RNGTT: variants seen among roughly 807,000 people sequenced by gnomAD.
RNGTT encodes RNA guanylyltransferase and 5'-phosphatase, also known as mRNA-capping enzyme.
A neutral mutation model predicts 79.3 loss-of-function variants in RNGTT; 33 were observed. That is an observed-to-expected ratio of 0.42 (90% confidence interval 0.32 to 0.56). The LOEUF (loss-of-function observed/expected upper bound fraction) is 0.56, where lower values mean the gene tolerates loss of function less well. Among genes scored for constraint, RNGTT ranks in the 20% least tolerant of loss-of-function variants. The probability of loss-of-function intolerance (pLI) is 0.17; values close to 1 mark genes in which losing one functional copy is unlikely to be tolerated. For synonymous variants in RNGTT, 222 were observed against 235.9 expected (o/e 0.94, Z 0.54); for missense variants, 497 against 739.1 (o/e 0.67, Z 3.80).
intron 14 of RNGTT, among the ~76,000 whole-genome samples, chr6:88,656,569 C>A (rs551134860): frequency 6.6e-6 from 1 of 151,996 alleles, no homozygotes. Flanking sequence ...TCCTTGAATG[C>A]ACTCCAGTGG....
intron 13 of RNGTT, among the ~76,000 whole-genome samples, chr6:88,747,885 C>T (rs969822096): frequency 1.1e-4 from 16 of 152,154 alleles, no homozygotes; most frequent in African/African-American, 3.6e-4. Context: ...AATGTAATGA[C>T]TGCTGTTTTA....
intron 4 of RNGTT, among the ~76,000 whole-genome samples, chr6:88,907,946 G>A (rs1482512071): frequency 1.3e-5 from 2 of 151,846 alleles, no homozygotes; most frequent in East Asian, 1.9e-4. Context: ...TGTTGCTCAG[G>A]CTGGTCTCAA....
intron 14 of RNGTT, among the ~76,000 whole-genome samples, chr6:88,616,718 T>C (rs1423844021): frequency 6.6e-6 from 1 of 152,146 alleles, no homozygotes; most frequent in African/African-American, 2.4e-5. Flanking sequence ...ACAAGAAACT[T>C]TGTCAATTTT....
chr6:88,665,514 C>T (rs951370853), intron 14 of RNGTT, among the ~76,000 whole-genome samples: 1 of 152,236 alleles, frequency 6.6e-6, no homozygotes, highest in Non-Finnish European at 1.5e-5. Flanking sequence ...GACTTTCCAT[C>T]CAACAGTACC....
rs1368959959 is a variant in RNGTT, at chr6:88,696,611, C to A, written c.1440-18192G>T. 2.0e-5 allele frequency among the ~76,000 whole-genome samples: 3 copies of A among 151,880 alleles called. No individual in the cohort carries two copies. The East Asian group carries it at 5.8e-4, about 29-fold the overall frequency. On this transcript the variant is annotated intron_variant, in intron 13 of 15. Coordinates refer to ENST00000369485, the MANE Select transcript of RNGTT (RefSeq NM_003800.5). ...ACAGAAATCCTGAAGTACACACACACACACACACACACACACACACACAAA... is the reference window on the plus strand; with the variant it reads ...ACAGAAATCCTGAAGTACACACACAAACACACACACACACACACACACAAA...
chr6:88,638,554 TTG>T (rs1252929609), intron 14 of RNGTT, among the ~76,000 whole-genome samples: 1 of 152,168 alleles, frequency 6.6e-6, no homozygotes, highest in Non-Finnish European at 1.5e-5. Context: ...TTCTACCTAA[TTG>T]TAAAGAAAAT....
chr6:88,869,301 A>T (rs751671908), intron 8 of RNGTT, among the ~76,000 whole-genome samples: 1 of 152,200 alleles, frequency 6.6e-6, no homozygotes, highest in Non-Finnish European at 1.5e-5. Flanking sequence ...ACTTCAAGTC[A>T]TAAGAAGCTT....
intron 13 of RNGTT, among the ~76,000 whole-genome samples, chr6:88,731,731 A>G (rs1291134721): frequency 2.0e-5 from 3 of 152,200 alleles, no homozygotes; most frequent in African/African-American, 7.2e-5. Context: ...CATCAAGAAT[A>G]CAGCTGACCT....
chr6:88,826,711 A>G (rs1780665162), intron 11 of RNGTT, among the ~76,000 whole-genome samples: 1 of 150,882 alleles, frequency 6.6e-6, no homozygotes, highest in Non-Finnish European at 1.5e-5. Flanking sequence ...TGAACCTGGG[A>G]GGCAGAGGTT....
At chr6:88,729,956 C>G (rs1164767273) in intron 13 of RNGTT, among the ~76,000 whole-genome samples, 3 of 152,108 alleles carry the variant, frequency 2.0e-5, no homozygotes, top group Non-Finnish European at 2.9e-5. Flanking sequence ...TTATTCTTGT[C>G]AGGTGCTGTG....
chr6:88,755,435 G>A (rs947523506), intron 13 of RNGTT, among the ~76,000 whole-genome samples: 4 of 152,086 alleles, frequency 2.6e-5, no homozygotes, highest in Admixed American at 2.6e-4. Context: ...ATTCATGTCT[G>A]TAAGAGAAAT....
At chr6:88,830,427 G>C (rs1780819517) in intron 11 of RNGTT, among the ~76,000 whole-genome samples, 1 of 152,200 alleles carries the variant, frequency 6.6e-6, no homozygotes, top group Non-Finnish European at 1.5e-5. Flanking sequence ...AGCTACAGCA[G>C]TGTTTAGAGG....
chr6:88,694,966 T>C lies in RNGTT; in HGVS notation c.1440-16547A>G, dbSNP rs190949546. Among the ~76,000 whole-genome samples the C allele has an allele frequency of 1.9e-3, 296 of 152,260 alleles. 4 individuals carry two copies. The highest frequency in any genetic ancestry group is 7.0e-3 in the African/African-American group (290 of 41,560). On this transcript the variant is annotated intron_variant, in intron 13 of 15. Transcript: ENST00000369485. ...CCTCTGGAACTCTGAGAAATACATT[T>C]GTGTTCATTATAAATTGCCCAGTCT...
At chr6:88,726,697 T>C (rs1006591752) in intron 13 of RNGTT, among the ~76,000 whole-genome samples, 9 of 152,162 alleles carry the variant, frequency 5.9e-5, no homozygotes, top group Admixed American at 3.3e-4. Flanking sequence ...TGCCTAATAA[T>C]TAGTCTGCTC....
chr6:88,818,213 A>G (rs1780386342), intron 11 of RNGTT, among the ~76,000 whole-genome samples: 1 of 152,172 alleles, frequency 6.6e-6, no homozygotes, highest in South Asian at 2.1e-4. Context: ...ATACAGCCAA[A>G]TATACTATCA....
chr6:88,799,340 T>C (rs1582474088), intron 12 of RNGTT, among the ~76,000 whole-genome samples: 1 of 152,276 alleles, frequency 6.6e-6, no homozygotes, highest in East Asian at 1.9e-4. Flanking sequence ...ATATTTAAGG[T>C]AATGCTGGCG....
At chr6:88,725,271 C>T (rs948265583) in intron 13 of RNGTT, among the ~76,000 whole-genome samples, 2 of 152,112 alleles carry the variant, frequency 1.3e-5, no homozygotes, top group East Asian at 1.9e-4. Flanking sequence ...CCCTCAGCAA[C>T]GTGGAAAGAA....
At chr6:88,769,901 C>T (rs1016586841) in intron 12 of RNGTT, 27 bp from the exon 13 acceptor site, 7 of 1,494,422 alleles carry the variant, frequency 4.7e-6, no homozygotes, top group East Asian at 4.6e-5. Flanking sequence ...TGATGACAAT[C>T]GTTACTAAGA....
chr6:88,895,322 G>T (rs572440530), intron 6 of RNGTT, among the ~76,000 whole-genome samples: 4 of 151,898 alleles, frequency 2.6e-5, no homozygotes, highest in Admixed American at 1.3e-4. Flanking sequence ...TTTTCATAAT[G>T]AGGAAAATAC....
Sources: allele counts gnomAD v4.1 joint callset (sites outside exome capture counted in the v4.1 genomes callset), GRCh38; gene constraint gnomAD v4.1.1; transcripts MANE v1.5; gene names NCBI Gene and HGNC (gene_info 2026-07-23, HGNC 2026-07-21).